Variants in WWOX observed in about 807,000 individuals in gnomAD.
WWOX encodes WW domain containing oxidoreductase.
WWOX carries 69 observed loss-of-function variants against 46.2 expected under a neutral mutation model. That is an observed-to-expected ratio of 1.49 (90% CI 1.23 to 1.82). The LOEUF is 1.82. Among genes scored for constraint, WWOX ranks in the 40% most tolerant of loss-of-function variants. The pLI is 0.00. For synonymous variants in WWOX, 359 were observed against 202.6 expected (o/e 1.77, Z -6.56); for missense variants, 919 against 542.6 (o/e 1.69, Z -6.89).
chr16:78,462,981 C>T (rs746418587), intron 8 of WWOX, among the ~76,000 whole-genome samples: 9 of 152,224 alleles, frequency 5.9e-5, no homozygotes, highest in Non-Finnish European at 1.2e-4. Flanking sequence ...TAAATGTCCT[C>T]TGATCTCTCC....
At chr16:78,742,391 C>T (rs1026607915) in intron 8 of WWOX, among the ~76,000 whole-genome samples, 1 of 152,172 alleles carries the variant, frequency 6.6e-6, no homozygotes, top group Admixed American at 6.5e-5. Flanking sequence ...TTAAGTGTTT[C>T]AGCGCCCTGG....
At chr16:78,691,359 A>C (rs2047983780) in intron 8 of WWOX, 2 of 690,254 alleles carry the variant, frequency 2.9e-6, no homozygotes, top group Admixed American at 4.1e-5. Context: ...CTTATGACAA[A>C]GGTGACAGAA....
At chr16:78,680,969 C>A (rs971276997) in intron 8 of WWOX, among the ~76,000 whole-genome samples, 2 of 152,126 alleles carry the variant, frequency 1.3e-5, no homozygotes, top group African/African-American at 4.8e-5. Context: ...AAAATTTAGG[C>A]CATACTTAGT....
chr16:78,874,821 C>G (rs1316709191), intron 8 of WWOX, among the ~76,000 whole-genome samples: 1 of 148,844 alleles, frequency 6.7e-6, no homozygotes. Context: ...TTGGCCAAGA[C>G]TCACCACTAG....
chr16:78,553,307 G>A (rs923677196), intron 8 of WWOX: 2 of 152,232 alleles, frequency 1.3e-5, no homozygotes, highest in African/African-American at 4.8e-5. Context: ...TGTTTTTATT[G>A]TGATTTTCAC....
intron 6 of WWOX, among the ~76,000 whole-genome samples, chr16:78,402,829 T>C (rs1258563291): frequency 6.6e-6 from 1 of 152,180 alleles, no homozygotes; most frequent in African/African-American, 2.4e-5. Context: ...CTGGCTCCCA[T>C]TGGCCCTGGG....
intron 8 of WWOX, among the ~76,000 whole-genome samples, chr16:78,846,756 C>T (rs552378067): frequency 6.6e-6 from 1 of 152,172 alleles, no homozygotes; most frequent in East Asian, 1.9e-4. Context: ...CTCAAATTTT[C>T]ATCCATTAAT....
intron 4 of WWOX, among the ~76,000 whole-genome samples, chr16:78,150,885 G>A: frequency 6.6e-6 from 1 of 151,570 alleles, no homozygotes; most frequent in African/African-American, 2.4e-5. Flanking sequence ...AAAGGTTTTT[G>A]TTTTTTTAGA....
intron 8 of WWOX, among the ~76,000 whole-genome samples, chr16:78,522,297 C>A (rs1162882547): frequency 6.6e-6 from 1 of 151,984 alleles, no homozygotes; most frequent in East Asian, 1.9e-4. Context: ...AATCAAGACA[C>A]CATTTTGCTT....
intron 8 of WWOX, among the ~76,000 whole-genome samples, chr16:78,548,872 C>T (rs534246111): frequency 2.0e-5 from 3 of 152,122 alleles, no homozygotes; most frequent in African/African-American, 7.2e-5. Context: ...AACATCAAGG[C>T]TTAATTGTAA....
In WWOX at chr16:78,814,342, A is replaced by G. The variant is rs370077085; in HGVS notation, c.1056+381590A>G. ...CCTTTTCCCTAAAAAACTGGAAAAA[A>G]TGCACTTTTCTATATTAATTCAAAT... On this transcript the variant is annotated intron_variant, in intron 8 of 8. Coordinates refer to ENST00000566780, the MANE Select transcript of WWOX (RefSeq NM_016373.4). Among the ~76,000 whole-genome samples, 45 of 152,288 alleles carry G rather than the reference A, an allele frequency of 3.0e-4. No homozygotes were observed. In the East Asian group the frequency reaches 6.6e-3, roughly 22 times the overall value.
At chr16:78,194,977 C>T (rs752967761) in intron 5 of WWOX, among the ~76,000 whole-genome samples, 1 of 152,208 alleles carries the variant, frequency 6.6e-6, no homozygotes, top group Non-Finnish European at 1.5e-5. Context: ...TTTTAAACAT[C>T]TGTTGAAGGA....
intron 8 of WWOX, among the ~76,000 whole-genome samples, chr16:78,916,118 C>G (rs114435013): frequency 6.6e-6 from 1 of 152,144 alleles, no homozygotes; most frequent in Non-Finnish European, 1.5e-5. Context: ...AGTGTACTCC[C>G]GCACAGATAA....
chr16:78,542,776 T>TAATA (rs1291125990), intron 8 of WWOX, among the ~76,000 whole-genome samples: 1 of 152,188 alleles, frequency 6.6e-6, no homozygotes. Flanking sequence ...GAAGTGAAGG[T>TAATA]AATAAGCTCC....
chr16:78,851,024 T>C (rs2052430165), intron 8 of WWOX, among the ~76,000 whole-genome samples: 1 of 152,186 alleles, frequency 6.6e-6, no homozygotes, highest in Non-Finnish European at 1.5e-5. Context: ...ATAAATTTTT[T>C]AATGTATTAC....
At chr16:79,061,224 G>T (rs2048352547) in intron 8 of WWOX, among the ~76,000 whole-genome samples, 1 of 152,136 alleles carries the variant, frequency 6.6e-6, no homozygotes, top group Non-Finnish European at 1.5e-5. Context: ...TGTTAGGAAG[G>T]ACTCTAAAGC....
chr16:78,375,954 G>T (rs1190156122), intron 5 of WWOX, among the ~76,000 whole-genome samples: 1 of 151,470 alleles, frequency 6.6e-6, no homozygotes, highest in Non-Finnish European at 1.5e-5. Flanking sequence ...GGTTTCAAGT[G>T]GTTCTTCTGC....
chr16:78,519,971 C>G (rs1178029535), intron 8 of WWOX, among the ~76,000 whole-genome samples: 1 of 152,214 alleles, frequency 6.6e-6, no homozygotes, highest in Non-Finnish European at 1.5e-5. Context: ...TGGAATCATT[C>G]TACGCATGCT....
chr16:78,749,824 C>G (rs537137261), intron 8 of WWOX, among the ~76,000 whole-genome samples: 10 of 152,170 alleles, frequency 6.6e-5, no homozygotes, highest in African/African-American at 2.4e-4. Context: ...ATAAACTGTT[C>G]CTCTTAACAC....
Sources: allele counts gnomAD v4.1 joint callset (sites outside exome capture counted in the v4.1 genomes callset), GRCh38; gene constraint gnomAD v4.1.1; transcripts MANE v1.5; gene names NCBI Gene and HGNC (gene_info 2026-07-23, HGNC 2026-07-21).